Variants in BCL2L13 observed in about 807,000 individuals in gnomAD.
BCL2L13 encodes the protein bcl-2-like protein 13.
Under a neutral mutation model 25.8 loss-of-function variants are expected in BCL2L13, and 13 were observed. The observed-to-expected ratio is 0.50, with a 90% CI of 0.33 to 0.80. The LOEUF (loss-of-function observed/expected upper bound fraction) is 0.80, where lower values mean the gene tolerates loss of function less well. Ranked by LOEUF, BCL2L13 falls within the 30% of genes least tolerant of loss-of-function variation. The pLI is 0.02. For missense variants in BCL2L13, 504 were observed against 574.9 expected, an observed-to-expected ratio of 0.88 and a Z score of 1.26; for synonymous variants, 244 against 230.3, an observed-to-expected ratio of 1.06 and a Z score of -0.54.
intron 1 of BCL2L13, among the ~76,000 whole-genome samples, chr22:17,631,999 C>T (rs952694479): frequency 1.3e-5 from 2 of 151,836 alleles, no homozygotes; most frequent in African/African-American, 4.8e-5. Context: ...GGATTACAGG[C>T]GTGAGCCACG....
At position 17,643,132 on chromosome 22, in the gene BCL2L13, T is replaced by G. The variant is rs559404467; in HGVS notation, c.-51+4246T>G. 2.0e-5 allele frequency among the ~76,000 whole-genome samples: 3 copies of G among 152,312 alleles called. No homozygotes were observed. In the East Asian group the frequency reaches 5.8e-4, roughly 29 times the overall value. On this transcript the variant is annotated intron_variant, in intron 1 of 6. Coordinates refer to ENST00000317582, the MANE Select transcript of BCL2L13 (RefSeq NM_015367.4). ...ACTGCTGAGTGAAAATATTTTTGGG[T>G]AGCTCTAACACAAGATTGAACAATT...
Position 17,649,376 on chromosome 22 carries a change from C to T in BCL2L13, c.-50-6286C>T, listed in dbSNP as rs149236425. On this transcript the variant is annotated intron_variant, in intron 1 of 6. Coordinates refer to ENST00000317582, the MANE Select transcript of BCL2L13 (RefSeq NM_015367.4). ...CCTCCCAAAGTGTTGGGATTACAGG[C>T]GTGAGCCATCACGCCGGGCCAATTT... 4.0e-3 allele frequency among the ~76,000 whole-genome samples: 612 copies of T among 152,114 alleles called. 4 individuals carry two copies. The highest frequency in any genetic ancestry group is 0.014 in the African/African-American group (591 of 41,490).
intron 6 of BCL2L13, among the ~76,000 whole-genome samples, chr22:17,705,502 T>A (rs926669355): frequency 1.3e-5 from 2 of 151,818 alleles, no homozygotes; most frequent in African/African-American, 4.8e-5. Flanking sequence ...TTTCACTGTG[T>A]TAGCCAGGAT....
At chr22:17,650,202 T>C (rs2058636484) in intron 1 of BCL2L13, among the ~76,000 whole-genome samples, 1 of 152,164 alleles carries the variant, frequency 6.6e-6, no homozygotes, top group Admixed American at 6.6e-5. Context: ...CTTGACATGT[T>C]ACTACGTTTG....
intron 1 of BCL2L13, among the ~76,000 whole-genome samples, chr22:17,630,569 C>T (rs144814804): frequency 0.01 from 1,523 of 150,990 alleles, 11 homozygotes; most frequent in Middle Eastern, 0.027. Flanking sequence ...TGAGCCACTG[C>T]ACCCGGCCTT....
At position 17,709,641 on chromosome 22, in the gene BCL2L13, C is replaced by G. The variant is rs73378768; in HGVS notation, c.600+7255C>G. Among the ~76,000 whole-genome samples the G allele has an allele frequency of 5.0e-3, 759 of 152,172 alleles. 6 individuals are homozygous for G. The highest frequency in any genetic ancestry group is 0.015 in the African/African-American group (616 of 41,506). Reference sequence around the variant, plus strand: ...TGAAATAAAAAATAGAAAGATTAGCCAGGCATGGTGGTGGGTTCCTGTAAT... The same window carrying G: ...TGAAATAAAAAATAGAAAGATTAGCGAGGCATGGTGGTGGGTTCCTGTAAT... On this transcript the variant is annotated intron_variant, in intron 6 of 6. Coordinates refer to ENST00000317582, the MANE Select transcript of BCL2L13 (RefSeq NM_015367.4).
At chr22:17,656,514 ATT>A (rs2058871372) in intron 2 of BCL2L13, among the ~76,000 whole-genome samples, 1 of 149,792 alleles carries the variant, frequency 6.7e-6, no homozygotes, top group African/African-American at 2.5e-5. Context: ...TGCCCGGCTA[ATT>A]TTTGTATTTT....
intron 2 of BCL2L13, among the ~76,000 whole-genome samples, chr22:17,666,724 C>T (rs896333023): frequency 6.4e-5 from 9 of 141,686 alleles, no homozygotes; most frequent in African/African-American, 2.3e-4. Flanking sequence ...CTTTGTAGCA[C>T]AGGCTGGAGT....
intron 2 of BCL2L13, among the ~76,000 whole-genome samples, chr22:17,658,629 G>C (rs1409083551): frequency 6.7e-6 from 1 of 148,990 alleles, no homozygotes; most frequent in Non-Finnish European, 1.5e-5. Flanking sequence ...AGGAGGCGGA[G>C]GTTGCAGTGA....
At chr22:17,698,743 A>G (rs964402041) in intron 5 of BCL2L13, among the ~76,000 whole-genome samples, 4 of 151,852 alleles carry the variant, frequency 2.6e-5, no homozygotes, top group African/African-American at 9.7e-5. Flanking sequence ...AAAAGAAAAG[A>G]AAGCCCATAC....
intron 2 of BCL2L13, among the ~76,000 whole-genome samples, chr22:17,668,958 T>A (rs1295694658): frequency 2.0e-5 from 3 of 152,112 alleles, no homozygotes; most frequent in Non-Finnish European, 4.4e-5. Context: ...AGTTCATTTA[T>A]ATTGCTATAA....
At chr22:17,680,934 T>A (rs2059734548) in intron 2 of BCL2L13, among the ~76,000 whole-genome samples, 1 of 152,034 alleles carries the variant, frequency 6.6e-6, no homozygotes, top group Non-Finnish European at 1.5e-5. Context: ...ATGGTGCCAG[T>A]TGGGATGGCG....
chr22:17,651,155 A>G (rs1204779655), intron 1 of BCL2L13, among the ~76,000 whole-genome samples: 3 of 151,556 alleles, frequency 2.0e-5, no homozygotes, highest in African/African-American at 4.8e-5. Context: ...ATGCGCTACC[A>G]TGCCCAGCTA....
intron 2 of BCL2L13, among the ~76,000 whole-genome samples, chr22:17,659,018 G>C (rs187321945): frequency 9.2e-6 from 1 of 108,596 alleles, no homozygotes. Flanking sequence ...GGATCGCCCC[G>C]CTGCACTCCA....
At chr22:17,688,260 G>A (rs1234748826) in intron 3 of BCL2L13, among the ~76,000 whole-genome samples, 1 of 152,134 alleles carries the variant, frequency 6.6e-6, no homozygotes, top group Non-Finnish European at 1.5e-5. Context: ...CTCGGCTTCT[G>A]GTTCAACTTT....
chr22:17,634,898 T>C (rs1043704685), upstream of BCL2L13, among the ~76,000 whole-genome samples: 2 of 150,794 alleles, frequency 1.3e-5, no homozygotes, highest in Non-Finnish European at 2.9e-5. Context: ...GAGTAAGTCA[T>C]GATCACATCA....
chr22:17,719,838 A>AC (rs2061056780), intron 6 of BCL2L13, among the ~76,000 whole-genome samples: 3 of 65,626 alleles, frequency 4.6e-5, no homozygotes, highest in African/African-American at 7.0e-5. Context: ...AAAAAAAAAA[A>AC]AAAAAAAAAA....
At chr22:17,630,780 G>C (rs2146335080) in intron 1 of BCL2L13, among the ~76,000 whole-genome samples, 1 of 150,600 alleles carries the variant, frequency 6.6e-6, no homozygotes, top group South Asian at 2.1e-4. Flanking sequence ...TAGTAGAGAT[G>C]GGGTTTCAAC....
chr22:17,677,073 A>G (rs2059595593), intron 2 of BCL2L13, among the ~76,000 whole-genome samples: 1 of 152,224 alleles, frequency 6.6e-6, no homozygotes, highest in South Asian at 2.1e-4. Flanking sequence ...GGATTCTGGC[A>G]CTTAGGGAGG....
Sources: gnomAD v4.1 joint callset for allele counts (sites outside exome capture counted in the v4.1 genomes callset) on GRCh38, gnomAD v4.1.1 for gene constraint, MANE v1.5 for transcripts, NCBI Gene and HGNC (gene_info 2026-07-23, HGNC 2026-07-21) for gene names.